SHB: variants seen among roughly 807,000 people sequenced by gnomAD.
The protein encoded by SHB is SH2 domain-containing adapter protein B.
SHB carries 20 observed loss-of-function variants against 52.3 expected under a neutral mutation model. The observed-to-expected ratio is 0.38, with a 90% CI of 0.27 to 0.56. The LOEUF (loss-of-function observed/expected upper bound fraction) is 0.56. Among genes scored for constraint, SHB ranks in the 20% least tolerant of loss-of-function variants. SHB has a pLI of 0.71. For synonymous variants in SHB, 397 were observed against 316.5 expected, an observed-to-expected ratio of 1.25 and a Z score of -2.70; for missense variants, 825 against 723.3, an observed-to-expected ratio of 1.14 and a Z score of -1.61.
At chr9:37,952,417 G>A (rs1832576707) in intron 4 of SHB, among the ~76,000 whole-genome samples, 1 of 152,210 alleles carries the variant, frequency 6.6e-6, no homozygotes, top group Admixed American at 6.5e-5. Flanking sequence ...GCAGAAAGGC[G>A]GCAAGAATGA....
rs925714535 is a variant in SHB, at chr9:38,050,541, G to A, written c.717+17388C>T. 5.3e-5 allele frequency among the ~76,000 whole-genome samples: 8 copies of A among 151,990 alleles called. No homozygotes were observed. The East Asian group carries it at 5.8e-4, about 11-fold the overall frequency. ...GAAAAGTCTGGGAAGACACAAGAAC[G>A]TATGAACAAAATATATGTTTTGTTT... On this transcript the variant is annotated intron_variant, in intron 1 of 5. Coordinates refer to ENST00000377707, the MANE Select transcript of SHB (RefSeq NM_003028.3).
intron 2 of SHB, among the ~76,000 whole-genome samples, chr9:37,987,039 G>C (rs1359458831): frequency 6.6e-6 from 1 of 152,232 alleles, no homozygotes; most frequent in Admixed American, 6.5e-5. Context: ...ACCAGTCACG[G>C]CTATACCCCT....
intron 2 of SHB, among the ~76,000 whole-genome samples, chr9:38,010,390 C>T (rs772121420): frequency 6.6e-6 from 1 of 152,190 alleles, no homozygotes; most frequent in African/African-American, 2.4e-5. Flanking sequence ...CACAAAAACA[C>T]GCTGTGCCTT....
intron 1 of SHB, among the ~76,000 whole-genome samples, chr9:38,030,939 AC>A (rs1821404384): frequency 6.7e-6 from 1 of 149,738 alleles, no homozygotes; most frequent in Non-Finnish European, 1.5e-5. Context: ...GGACTACTAT[AC>A]AAAAAAATTA....
chr9:38,053,939 G>C (rs1345435370), intron 1 of SHB, among the ~76,000 whole-genome samples: 1 of 152,182 alleles, frequency 6.6e-6, no homozygotes, highest in Non-Finnish European at 1.5e-5. Context: ...GTAAAATGGG[G>C]ATTCTCACAG....
At chr9:37,996,342 G>GAGA (rs1820946238) in intron 2 of SHB, among the ~76,000 whole-genome samples, 1 of 152,234 alleles carries the variant, frequency 6.6e-6, no homozygotes, top group Non-Finnish European at 1.5e-5. Flanking sequence ...ACTCATGGTT[G>GAGA]AAGCCTGCTC....
intron 5 of SHB, among the ~76,000 whole-genome samples, chr9:37,939,026 C>T (rs1361472098): frequency 6.6e-6 from 1 of 152,206 alleles, no homozygotes; most frequent in Non-Finnish European, 1.5e-5. Context: ...CCTCACTCCT[C>T]CTCCCTCTCA....
intron 5 of SHB, among the ~76,000 whole-genome samples, chr9:37,946,020 G>A (rs1394420761): frequency 2.6e-5 from 4 of 152,150 alleles, no homozygotes; most frequent in Non-Finnish European, 4.4e-5. Context: ...GGAAACAGGG[G>A]CAGGGTTATG....
intron 1 of SHB, among the ~76,000 whole-genome samples, chr9:38,016,439 G>A (rs1821213162): frequency 6.6e-6 from 1 of 152,236 alleles, no homozygotes; most frequent in African/African-American, 2.4e-5. Context: ...ATGGAGGCGA[G>A]AACCTGGAGG....
At chr9:37,927,308 TCA>T (rs1434863593) in intron 5 of SHB, among the ~76,000 whole-genome samples, 1 of 152,218 alleles carries the variant, frequency 6.6e-6, no homozygotes, top group Admixed American at 6.5e-5. Context: ...AAAGCAGCCT[TCA>T]CAGTGACAAG....
chr9:38,024,499 G>A (rs771812172), intron 1 of SHB, among the ~76,000 whole-genome samples: 10 of 152,156 alleles, frequency 6.6e-5, no homozygotes, highest in Non-Finnish European at 1.2e-4. Context: ...TCCAGCCTCT[G>A]TCAGCTCCTC....
Position 38,016,069 on chromosome 9 carries a change from T to C in SHB, c.780A>G (p.Ala260=), listed in dbSNP as rs1179996432. The part of the protein sequence containing the change: ...FDAKNDLKSK[A]GKGESAGYME... ...TGTAGCCAGCACTCTCCCCCTTTCC[T>C]GCTTTGCTCTTGAGATCATTCTTGG... Residue 260 remains alanine (A), a synonymous_variant, in exon 2 of 6, where the codon GCA becomes GCG. Coordinates refer to ENST00000377707, the MANE Select transcript of SHB (RefSeq NM_003028.3). The C allele has an allele frequency of 5.0e-6, 8 of 1,614,072 alleles. No individual in the cohort carries two copies. The highest frequency in any genetic ancestry group is 1.3e-5 in the African/African-American group (1 of 74,950).
chr9:37,969,325 G>A (rs990569682), intron 3 of SHB, among the ~76,000 whole-genome samples: 1 of 152,168 alleles, frequency 6.6e-6, no homozygotes, highest in African/African-American at 2.4e-5. Flanking sequence ...CCCCAGCCAA[G>A]TTATTTCTTC....
rs192600042 is a variant in SHB, at chr9:37,919,880, G to A, written c.1471C>T (p.Pro491Ser). ...VIHYYTTRKL[P>S]IKGAEHLSLL... ...GACAAGTGCTCAGCCCCTTTGATGG[G>A]TAGCTTTCTGGTGGTGTAGTAGTGG... is the stretch of plus-strand genomic sequence containing the variant. The change falls in exon 6 of 6, where the codon CCC (proline) becomes TCC (serine). Residue 491 changes from proline (P) to serine (S), a missense_variant. Coordinates refer to ENST00000377707, the MANE Select transcript of SHB (RefSeq NM_003028.3). The A allele has an allele frequency of 6.2e-7, 1 of 1,614,128 alleles. No homozygotes were observed. Among genetic ancestry groups the A allele is most frequent in the East Asian group, 2.2e-5 (1 of 44,880 alleles).
At chr9:38,036,872 G>GGT (rs1821496127) in intron 1 of SHB, among the ~76,000 whole-genome samples, 1 of 152,160 alleles carries the variant, frequency 6.6e-6, no homozygotes, top group African/African-American at 2.4e-5. Flanking sequence ...CAAGGCATGG[G>GGT]GTGGCTGGAT....
chr9:37,920,803 C>G (rs1174049081), intron 5 of SHB, among the ~76,000 whole-genome samples: 1 of 152,228 alleles, frequency 6.6e-6, no homozygotes. Context: ...CCCGGCTCCT[C>G]TGAGCATGCC....
chr9:37,986,883 A>G (rs1344834729), intron 2 of SHB, among the ~76,000 whole-genome samples: 4 of 152,218 alleles, frequency 2.6e-5, no homozygotes, highest in Non-Finnish European at 5.9e-5. Context: ...CCTTCTGAGT[A>G]TCGACAGACC....
chr9:37,944,760 C>T (rs1432714341), intron 5 of SHB, among the ~76,000 whole-genome samples: 3 of 152,132 alleles, frequency 2.0e-5, no homozygotes, highest in African/African-American at 7.2e-5. Context: ...CTGGGCTGTC[C>T]CCTCTACCTG....
chr9:37,964,673 G>A (rs1832729476), intron 3 of SHB, among the ~76,000 whole-genome samples: 2 of 152,230 alleles, frequency 1.3e-5, no homozygotes, highest in South Asian at 2.1e-4. Context: ...GAGTCCTGGA[G>A]GCCCCTAACA....
Sources: allele counts gnomAD v4.1 joint callset (sites outside exome capture counted in the v4.1 genomes callset), GRCh38; gene constraint gnomAD v4.1.1; transcripts MANE v1.5; gene names NCBI Gene and HGNC (gene_info 2026-07-23, HGNC 2026-07-21).